Variants in PCDH11X observed in about 807,000 individuals in gnomAD.
PCDH11X encodes the protein protocadherin 11 X-linked.
PCDH11X carries 18 observed loss-of-function variants against 53.3 expected under a neutral mutation model. The observed-to-expected ratio is 0.34, with a 90% CI of 0.23 to 0.50. PCDH11X has a LOEUF of 0.50. Among genes scored for constraint, PCDH11X ranks in the 20% least tolerant of loss-of-function variants. The pLI is 0.98. For missense variants in PCDH11X, 570 were observed against 1,032.4 expected (o/e 0.55, Z 6.14); for synonymous variants, 279 against 393.3 (o/e 0.71, Z 3.44).
intron 10 of PCDH11X, among the ~76,000 whole-genome samples, chrX:92,559,456 C>G (rs1234952151): frequency 2.7e-5 from 3 of 110,409 alleles, no homozygotes; most frequent in Non-Finnish European, 5.7e-5. Flanking sequence ...CACACACACA[C>G]ACACACACAC....
At chrX:92,350,163 G>A (rs2148525200) in intron 8 of PCDH11X, among the ~76,000 whole-genome samples, 1 of 109,119 alleles carries the variant, frequency 9.2e-6, no homozygotes, top group South Asian at 4.1e-4. Context: ...CCTTAAATTG[G>A]ACCTCACCTC....
intron 7 of PCDH11X, among the ~76,000 whole-genome samples, chrX:92,228,976 C>A (rs62600688): frequency 0.034 from 3,790 of 111,432 alleles, 77 homozygotes; most frequent in East Asian, 0.19. Context: ...AAGAGTATTT[C>A]TTTCCTCCAA....
In PCDH11X at chrX:92,452,904, C is replaced by T. The variant is rs1234675427; in HGVS notation, c.3344-15395C>T. On this transcript the variant is annotated intron_variant, in intron 9 of 10. Transcript: ENST00000682573. ...TTGTTTTTGTTATTTTATTCTGCCC[C>T]TCTTTGTCTTCCTTATTTTACCCGC... 2.7e-5 allele frequency among the ~76,000 whole-genome samples: 2 copies of T among 75,326 alleles called. 1 individual carries two copies. The highest frequency in any genetic ancestry group is 4.6e-5 in the Non-Finnish European group (2 of 43,123). 65.4% of individuals were successfully genotyped at this position (75,326 alleles called of 115,157 possible). A position where few individuals can be genotyped will look rare whatever the true frequency, so the allele number is the denominator to read the frequency against.
intron 7 of PCDH11X, among the ~76,000 whole-genome samples, chrX:92,237,966 T>C (rs1229831562): frequency 9.0e-6 from 1 of 111,718 alleles, no homozygotes; most frequent in Non-Finnish European, 1.9e-5. Context: ...AACTACACAT[T>C]TTTGTTTCTT....
chrX:91,828,710 G>A (rs950458806), intron 4 of PCDH11X, among the ~76,000 whole-genome samples: 31 of 111,595 alleles, frequency 2.8e-4, no homozygotes, highest in Admixed American at 6.7e-4. Flanking sequence ...TTTGCTTAGC[G>A]TTCTAAGATG....
chrX:92,382,766 C>T (rs187368615), intron 8 of PCDH11X, among the ~76,000 whole-genome samples: 1,524 of 109,241 alleles, frequency 0.014, 31 homozygotes, highest in African/African-American at 0.048. Flanking sequence ...TTCATGAAAA[C>T]GCCAGGATTT....
At chrX:92,008,782 C>T (rs2062642983) in intron 6 of PCDH11X, among the ~76,000 whole-genome samples, 1 of 110,271 alleles carries the variant, frequency 9.1e-6, no homozygotes, top group Non-Finnish European at 1.9e-5. Flanking sequence ...CTTATTTTAT[C>T]TTTCTTAATG....
intron 8 of PCDH11X, among the ~76,000 whole-genome samples, chrX:92,370,084 G>T (rs1476907903): frequency 1.9e-5 from 2 of 107,481 alleles, no homozygotes; most frequent in Non-Finnish European, 3.9e-5. Context: ...TGCATTTTTT[G>T]CATGTTGTGT....
At chrX:92,050,786 C>T (rs2063357302) in intron 6 of PCDH11X, among the ~76,000 whole-genome samples, 1 of 109,001 alleles carries the variant, frequency 9.2e-6, no homozygotes, top group Non-Finnish European at 1.9e-5. Context: ...ACTAAATGTT[C>T]CAATGCATGT....
intron 10 of PCDH11X, among the ~76,000 whole-genome samples, chrX:92,534,986 C>A (rs774549790): frequency 9.0e-6 from 1 of 111,280 alleles, no homozygotes; most frequent in Non-Finnish European, 1.9e-5. Flanking sequence ...CCATCTCACA[C>A]CAGTCATAAC....
chrX:91,911,340 T>A (rs1351440992), intron 6 of PCDH11X, among the ~76,000 whole-genome samples: 2 of 110,157 alleles, frequency 1.8e-5, no homozygotes, highest in Non-Finnish European at 3.8e-5. Flanking sequence ...GGGTATATAG[T>A]AAGTGTGTAT....
intron 8 of PCDH11X, among the ~76,000 whole-genome samples, chrX:92,266,291 C>T (rs1213321101): frequency 1.8e-5 from 2 of 111,655 alleles, no homozygotes; most frequent in Non-Finnish European, 3.8e-5. Flanking sequence ...CTTTTATGTT[C>T]AGTTTAATTC....
intron 7 of PCDH11X, among the ~76,000 whole-genome samples, chrX:92,228,080 A>G (rs2067002964): frequency 9.0e-6 from 1 of 111,591 alleles, no homozygotes; most frequent in Non-Finnish European, 1.9e-5. Context: ...CACAGTGTTT[A>G]AGGGAAGGTA....
At chrX:92,541,809 C>T (rs1033501412) in intron 10 of PCDH11X, among the ~76,000 whole-genome samples, 1 of 109,752 alleles carries the variant, frequency 9.1e-6, no homozygotes, top group African/African-American at 3.3e-5. Flanking sequence ...ATTAGCCTGG[C>T]GTGGTGGTGG....
intron 6 of PCDH11X, among the ~76,000 whole-genome samples, chrX:91,911,683 T>A (rs1265855083): frequency 1.8e-5 from 2 of 111,341 alleles, no homozygotes; most frequent in East Asian, 5.6e-4. Flanking sequence ...TCAATTGTTT[T>A]CATTTTTAGC....
chrX:92,146,345 G>A (rs1190682823), intron 6 of PCDH11X, among the ~76,000 whole-genome samples: 1 of 110,949 alleles, frequency 9.0e-6, no homozygotes, highest in Non-Finnish European at 1.9e-5. Context: ...TGGGGGGTGG[G>A]GGTGAGAGGG....
At chrX:92,415,237 A>T (rs5942242) in intron 9 of PCDH11X, among the ~76,000 whole-genome samples, 21,949 of 111,019 alleles carry the variant, frequency 0.2, 1,877 homozygotes, top group Middle Eastern at 0.28. Context: ...AAAGTACTCT[A>T]CTGTCTAAGT....
At position 92,579,591 on chromosome X, in the gene PCDH11X, C is replaced by T. The variant is rs1479068928; in HGVS notation, c.3368-38673C>T. Among the ~76,000 whole-genome samples the T allele has an allele frequency of 2.7e-5, 3 of 111,216 alleles. No individual in the cohort carries two copies. The East Asian group carries it at 8.5e-4, about 32-fold the overall frequency. Reference sequence around the variant, plus strand: ...AAGTTCTTGTGTTTTTCAGCTCCATCGGGTCATTTGTTTTTCTCTCTAAAC... The same window carrying T: ...AAGTTCTTGTGTTTTTCAGCTCCATTGGGTCATTTGTTTTTCTCTCTAAAC... On this transcript the variant is annotated intron_variant, in intron 10 of 10. Coordinates refer to ENST00000682573, the MANE Select transcript of PCDH11X (RefSeq NM_032968.5).
At chrX:92,062,173 A>G (rs1381609015) in intron 6 of PCDH11X, among the ~76,000 whole-genome samples, 1 of 111,375 alleles carries the variant, frequency 9.0e-6, no homozygotes, top group East Asian at 2.8e-4. Flanking sequence ...TTTTTGTATT[A>G]TGAAACTTTG....
Sources: gnomAD v4.1 joint callset for allele counts (sites outside exome capture counted in the v4.1 genomes callset) on GRCh38, gnomAD v4.1.1 for gene constraint, MANE v1.5 for transcripts, NCBI Gene and HGNC (gene_info 2026-07-23, HGNC 2026-07-21) for gene names.